Variants in PKD1L1 observed in about 807,000 individuals in gnomAD.
PKD1L1 encodes polycystin 1 like 1, transient receptor potential channel interacting, also known as polycystin-1-like protein 1.
A neutral mutation model predicts 323.4 loss-of-function variants in PKD1L1; 236 were observed. That is an observed-to-expected ratio of 0.73 (90% CI 0.66 to 0.81). The LOEUF (loss-of-function observed/expected upper bound fraction) is 0.81, where lower values mean the gene tolerates loss of function less well. Ranked by LOEUF, PKD1L1 falls within the 40% of genes least tolerant of loss-of-function variation. The pLI, the probability that PKD1L1 is intolerant of heterozygous loss-of-function variation, is 0.00. For synonymous variants in PKD1L1, 1,344 were observed against 1,335.0 expected, an observed-to-expected ratio of 1.01 and a Z score of -0.15; for missense variants, 3,320 against 3,508.0, an observed-to-expected ratio of 0.95 and a Z score of 1.35.
At chr7:47,860,207 T>C (rs1213964663) in intron 26 of PKD1L1, among the ~76,000 whole-genome samples, 1 of 152,108 alleles carries the variant, frequency 6.6e-6, no homozygotes, top group Non-Finnish European at 1.5e-5. Flanking sequence ...AAACTACGAG[T>C]CTTTACTACG....
At chr7:47,926,608 A>G (rs748977435) in intron 7 of PKD1L1, among the ~76,000 whole-genome samples, 6 of 152,342 alleles carry the variant, frequency 3.9e-5, no homozygotes, top group Non-Finnish European at 4.4e-5. Context: ...TGATTTAAAT[A>G]AAAATACCAA....
intron 7 of PKD1L1, among the ~76,000 whole-genome samples, chr7:47,924,757 T>C (rs976997399): frequency 6.6e-6 from 1 of 152,196 alleles, no homozygotes; most frequent in Non-Finnish European, 1.5e-5. Context: ...TCTGTGAAGT[T>C]AGAAGCAAGA....
At chr7:47,934,272 G>C (rs1248934678) in intron 4 of PKD1L1, among the ~76,000 whole-genome samples, 1 of 152,116 alleles carries the variant, frequency 6.6e-6, no homozygotes, top group Non-Finnish European at 1.5e-5. Context: ...ATCAATAAAA[G>C]CCTGACACTG....
At chr7:47,816,387 CCACATGCACAGGCCAAGGCTGTG>C (rs937555247) in intron 46 of PKD1L1, among the ~76,000 whole-genome samples, 1 of 152,228 alleles carries the variant, frequency 6.6e-6, no homozygotes, top group African/African-American at 2.4e-5. Context: ...TGCTATAAAG[CCACATGCACAGGCCAAGGCTGTG>C]CATGGCAGCA....
chr7:47,863,746 G>A (rs1459353662), intron 26 of PKD1L1, among the ~76,000 whole-genome samples: 1 of 152,114 alleles, frequency 6.6e-6, no homozygotes, highest in Non-Finnish European at 1.5e-5. Flanking sequence ...CGAGAAGCCA[G>A]GTGTGGTGAC....
At chr7:47,956,773 G>A in the PKD1L1 span, 137 of 152,632 alleles carry the variant, frequency 9.0e-4, 1 homozygote, top group Non-Finnish European at 1.6e-3. Context: ...CTGTCTAAAG[G>A]TATAAAACTC....
In PKD1L1 at chr7:47,880,721, A is replaced by G. The variant is rs1399869613; in HGVS notation, c.3520+7T>C. 4 of 1,599,646 alleles carry G rather than the reference A, an allele frequency of 2.5e-6. No individual in the cohort carries two copies. Among genetic ancestry groups the G allele is most frequent in the East Asian group, 2.3e-5 (1 of 44,294 alleles). On this transcript the variant is annotated splice_region_variant and intron_variant, in intron 21 of 56. Coordinates refer to ENST00000289672, the MANE Select transcript of PKD1L1 (RefSeq NM_138295.5). ...CTCTGATAAATGCAACTGACAATGTAACATACCCACAGACACTTGCAGGAC... is the reference window on the plus strand; with the variant it reads ...CTCTGATAAATGCAACTGACAATGTGACATACCCACAGACACTTGCAGGAC...
chr7:47,867,073 C>T (rs1448602796), intron 24 of PKD1L1, among the ~76,000 whole-genome samples: 1 of 152,190 alleles, frequency 6.6e-6, no homozygotes, highest in Non-Finnish European at 1.5e-5. Flanking sequence ...AGTTTCAGCC[C>T]TTGTTCTGCA....
At chr7:47,921,373 CA>C (rs1459336597) in intron 7 of PKD1L1, among the ~76,000 whole-genome samples, 1 of 151,426 alleles carries the variant, frequency 6.6e-6, no homozygotes. Context: ...TGGCTATAAT[CA>C]AAAAATAAAA....
At chr7:47,947,774 T>C (rs1413010232) in intron 1 of PKD1L1, among the ~76,000 whole-genome samples, 4 of 152,194 alleles carry the variant, frequency 2.6e-5, no homozygotes, top group Non-Finnish European at 4.4e-5. Flanking sequence ...GAGACCATCC[T>C]GGCTAACACA....
At position 47,848,766 on chromosome 7, in the gene PKD1L1, T is replaced by C. The variant is rs559676196; in HGVS notation, c.4961-1695A>G. Among the ~76,000 whole-genome samples, 3 of 152,212 alleles carry C rather than the reference T, an allele frequency of 2.0e-5. No homozygotes were observed. The South Asian group carries it at 6.2e-4, about 32-fold the overall frequency. On this transcript the variant is annotated intron_variant, in intron 31 of 56. Coordinates refer to ENST00000289672, the MANE Select transcript of PKD1L1 (RefSeq NM_138295.5). ...GTTGTGGTGAGCCAAGATCGTGCCATTGGACTCCAGCCTGGGCAACAAGAG... is the reference window on the plus strand; with the variant it reads ...GTTGTGGTGAGCCAAGATCGTGCCACTGGACTCCAGCCTGGGCAACAAGAG...
chr7:47,933,322 G>C (rs1787807626), intron 4 of PKD1L1, among the ~76,000 whole-genome samples: 1 of 152,018 alleles, frequency 6.6e-6, no homozygotes, highest in African/African-American at 2.4e-5. Context: ...AATTCCTGAG[G>C]AACAACTTCT....
chr7:47,798,764 A>AAC (rs1039834210), intron 54 of PKD1L1, among the ~76,000 whole-genome samples: 31 of 151,128 alleles, frequency 2.1e-4, no homozygotes, highest in African/African-American at 7.0e-4. Flanking sequence ...CAAAAAAAAA[A>AAC]AACAAAAAAA....
chr7:47,856,700 T>C (rs1407708013), intron 28 of PKD1L1, among the ~76,000 whole-genome samples: 1 of 152,148 alleles, frequency 6.6e-6, no homozygotes, highest in Non-Finnish European at 1.5e-5. Context: ...GGTAAAAAAA[T>C]CATTTTAATT....
chr7:47,897,465 C>T (rs1199853748), intron 14 of PKD1L1, among the ~76,000 whole-genome samples: 1 of 152,208 alleles, frequency 6.6e-6, no homozygotes, highest in Non-Finnish European at 1.5e-5. Context: ...TGGACAGATT[C>T]TCTTTTCAGC....
intron 8 of PKD1L1, among the ~76,000 whole-genome samples, chr7:47,910,815 C>T (rs560472970): frequency 3.3e-5 from 3 of 91,362 alleles, no homozygotes; most frequent in Admixed American, 3.3e-4. Context: ...CGCCACCACG[C>T]CCAGCTGATT....
intron 46 of PKD1L1, chr7:47,819,633 A>T: frequency 3.3e-6 from 4 of 1,206,700 alleles, no homozygotes; most frequent in Non-Finnish European, 4.5e-6. Context: ...CACTATTACA[A>T]TGCTCAGCAG....
intron 24 of PKD1L1, among the ~76,000 whole-genome samples, chr7:47,872,910 C>T (rs1392515627): frequency 6.6e-6 from 1 of 152,106 alleles, no homozygotes; most frequent in Non-Finnish European, 1.5e-5. Flanking sequence ...GAAAACAACC[C>T]ACACATCCAT....
intron 21 of PKD1L1, among the ~76,000 whole-genome samples, chr7:47,877,888 C>T (rs2128745869): frequency 6.6e-6 from 1 of 152,108 alleles, no homozygotes; most frequent in South Asian, 2.1e-4. Context: ...GTTTGAGAAC[C>T]ACTGCCTATA....
Sources: gnomAD v4.1 joint callset for allele counts (sites outside exome capture counted in the v4.1 genomes callset) on GRCh38, gnomAD v4.1.1 for gene constraint, MANE v1.5 for transcripts, NCBI Gene and HGNC (gene_info 2026-07-23, HGNC 2026-07-21) for gene names.